Variants in ST3GAL2 observed in about 807,000 individuals in gnomAD.
ST3GAL2 encodes CMP-N-acetylneuraminate-beta-galactosamide-alpha-2,3-sialyltransferase 2.
ST3GAL2 carries 16 observed loss-of-function variants against 37.5 expected under a neutral mutation model. The ratio of observed to expected loss-of-function variants is 0.43; its 90% confidence interval spans 0.29 to 0.65. The LOEUF is 0.65. ST3GAL2 is among the 30% of genes least tolerant of loss of function. ST3GAL2 has a pLI of 0.17. For synonymous variants in ST3GAL2, 238 were observed against 202.9 expected, an observed-to-expected ratio of 1.17 and a Z score of -1.47; for missense variants, 383 against 487.8, an observed-to-expected ratio of 0.79 and a Z score of 2.02.
At chr16:70,397,519 T>A (rs1222073124) in intron 2 of ST3GAL2, among the ~76,000 whole-genome samples, 2 of 150,634 alleles carry the variant, frequency 1.3e-5, no homozygotes, top group Admixed American at 1.3e-4. Context: ...AGGTCAGGAG[T>A]TTGAGATCAG....
intron 6 of ST3GAL2, 140 bp from the exon 7 acceptor site, chr16:70,382,002 G>A: frequency 1.0e-6 from 1 of 995,738 alleles, no homozygotes; most frequent in Non-Finnish European, 1.5e-6. Flanking sequence ...TAAGGACATG[G>A]ACTCACATGG....
intron 1 of ST3GAL2, among the ~76,000 whole-genome samples, chr16:70,426,672 G>A (rs1041226927): frequency 6.0e-5 from 9 of 150,960 alleles, no homozygotes; most frequent in South Asian, 2.1e-4. Flanking sequence ...CCACCATCCC[G>A]GCTAATTTTG....
chr16:70,413,906 T>C (rs2047657586), intron 1 of ST3GAL2, among the ~76,000 whole-genome samples: 1 of 152,146 alleles, frequency 6.6e-6, no homozygotes, highest in South Asian at 2.1e-4. Flanking sequence ...GGCTCTGTTA[T>C]CCCAAATTTC....
intron 4 of ST3GAL2, among the ~76,000 whole-genome samples, chr16:70,385,811 C>T (rs2047439104): frequency 6.7e-6 from 1 of 149,526 alleles, no homozygotes; most frequent in Non-Finnish European, 1.5e-5. Flanking sequence ...TCAAGTGATC[C>T]GATCCTCCCA....
chr16:70,395,633 C>A (rs2047510535), intron 2 of ST3GAL2, among the ~76,000 whole-genome samples: 1 of 152,200 alleles, frequency 6.6e-6, no homozygotes, highest in Admixed American at 6.5e-5. Context: ...CCCTGAGCCC[C>A]AGGGAAGGGC....
intron 3 of ST3GAL2, among the ~76,000 whole-genome samples, chr16:70,390,387 A>T (rs1361066498): frequency 1.3e-5 from 2 of 152,178 alleles, no homozygotes. Flanking sequence ...ATAATTTTTT[A>T]AAGAAACAAC....
chr16:70,422,393 C>G (rs912434125), intron 1 of ST3GAL2, among the ~76,000 whole-genome samples: 1 of 152,202 alleles, frequency 6.6e-6, no homozygotes, highest in African/African-American at 2.4e-5. Context: ...TGACATGGGA[C>G]TGGGGGACCA....
intron 3 of ST3GAL2, among the ~76,000 whole-genome samples, chr16:70,392,587 C>T (rs2151660847): frequency 6.6e-6 from 1 of 152,268 alleles, no homozygotes; most frequent in East Asian, 1.9e-4. Flanking sequence ...GAGGCAAGAC[C>T]AGCTCAACTG....
chr16:70,434,626 C>A (rs2047813469), intron 1 of ST3GAL2, among the ~76,000 whole-genome samples: 2 of 152,156 alleles, frequency 1.3e-5, no homozygotes, highest in South Asian at 4.1e-4. Context: ...CTCAGTTCTT[C>A]ATCTACAAAG....
chr16:70,382,939 G>C lies in ST3GAL2; in HGVS notation c.760-15C>G. ...TAGATCTGGACCTGGGAGGAGAAGG[G>C]ATGACAGGTATATGAGGGGTTTAGG... is the stretch of plus-strand genomic sequence containing the variant. On this transcript the variant is annotated splice_polypyrimidine_tract_variant and intron_variant, in intron 5 of 6. Coordinates refer to ENST00000342907, the MANE Select transcript of ST3GAL2 (RefSeq NM_006927.4). 1 of 1,611,672 alleles carries C rather than the reference G, an allele frequency of 6.2e-7. No individual in the cohort carries two copies. The highest frequency in any genetic ancestry group is 8.5e-7 in the Non-Finnish European group (1 of 1,178,844).
chr16:70,406,158 A>C (rs2047590967), intron 1 of ST3GAL2, among the ~76,000 whole-genome samples: 1 of 150,664 alleles, frequency 6.6e-6, no homozygotes, highest in African/African-American at 2.4e-5. Context: ...AAAAGAGAGA[A>C]TGGTGCTGGG....
intron 1 of ST3GAL2, among the ~76,000 whole-genome samples, chr16:70,425,372 G>A (rs1295750367): frequency 6.6e-6 from 1 of 152,120 alleles, no homozygotes; most frequent in Non-Finnish European, 1.5e-5. Flanking sequence ...TGAGGCAGGA[G>A]AATTGCTTGA....
chr16:70,386,654 A>AT (rs2151657848), intron 4 of ST3GAL2, among the ~76,000 whole-genome samples: 1 of 151,188 alleles, frequency 6.6e-6, no homozygotes, highest in Admixed American at 6.6e-5. Flanking sequence ...TTTATTTTTT[A>AT]TTTTTTTTGA....
At chr16:70,419,481 G>A (rs1250325097) in intron 1 of ST3GAL2, among the ~76,000 whole-genome samples, 1 of 152,202 alleles carries the variant, frequency 6.6e-6, no homozygotes, top group Non-Finnish European at 1.5e-5. Context: ...AGTCTGTGGA[G>A]TCACTGCATA....
chr16:70,386,079 G>C (rs2151657537), intron 4 of ST3GAL2, among the ~76,000 whole-genome samples: 1 of 152,142 alleles, frequency 6.6e-6, no homozygotes, highest in South Asian at 2.1e-4. Flanking sequence ...TGAATGCAGT[G>C]GCACAATCTC....
chr16:70,386,892 C>T (rs2047447271), intron 4 of ST3GAL2, among the ~76,000 whole-genome samples: 1 of 152,234 alleles, frequency 6.6e-6, no homozygotes, highest in Non-Finnish European at 1.5e-5. Flanking sequence ...GATCCACCCG[C>T]CTTGGCCTCC....
At chr16:70,387,712 A>T (rs970535873) in intron 4 of ST3GAL2, among the ~76,000 whole-genome samples, 3 of 152,188 alleles carry the variant, frequency 2.0e-5, no homozygotes, top group Admixed American at 6.6e-5. Context: ...TACTTGGTGA[A>T]CTAGATTTCC....
rs1339794791 is a variant in ST3GAL2 at position 70,379,007 on chromosome 16, A to ATAAAT, written c.*2677_*2681dup. 1.3e-5 allele frequency: 2 copies of ATAAAT among 152,188 alleles called. No homozygotes were observed. The highest frequency in any genetic ancestry group is 4.8e-5 in the African/African-American group (2 of 41,420). 9.4% of individuals were successfully genotyped at this position (152,188 alleles called of 1,614,324 possible). ...AACAAGACTCTGTCTCAATAAATAA[A>ATAAAT]TAAATTAAATAAATAAAAATGCGGG... On this transcript the variant is annotated 3_prime_UTR_variant, in exon 7 of 7. Transcript: ENST00000342907.
In ST3GAL2 at chr16:70,378,299, G is replaced by C. The variant is rs184185873; in HGVS notation, c.*3390C>G. On this transcript the variant is annotated 3_prime_UTR_variant, in exon 7 of 7. Transcript: ENST00000342907. ...GTGGTGGCACACCCCTGTAATTCCA[G>C]CTACTCGGGAGGTTGAGGTGGGTGA... is the stretch of plus-strand genomic sequence containing the variant. 1 of 150,806 alleles carries C rather than the reference G, an allele frequency of 6.6e-6. No individual in the cohort carries two copies. Among genetic ancestry groups the C allele is most frequent in the African/African-American group, 2.4e-5 (1 of 40,968 alleles). The allele number at this position is 150,806 out of a possible 1,614,324, so 9.3% of individuals were successfully genotyped here.
Sources: gnomAD v4.1 joint callset for allele counts (sites outside exome capture counted in the v4.1 genomes callset) on GRCh38, gnomAD v4.1.1 for gene constraint, MANE v1.5 for transcripts, NCBI Gene and HGNC (gene_info 2026-07-23, HGNC 2026-07-21) for gene names.